The following MAP2K4 variants were observed in gnomAD, a reference collection of about 807,000 sequenced individuals.
MAP2K4 encodes dual specificity mitogen-activated protein kinase kinase 4.
Under a neutral mutation model 48.5 loss-of-function variants are expected in MAP2K4, and 4 were observed. That is an observed-to-expected ratio of 0.08 (90% CI 0.04 to 0.19). The LOEUF (loss-of-function observed/expected upper bound fraction) is 0.19, where lower values mean the gene tolerates loss of function less well. MAP2K4 is among the 10% of genes least tolerant of loss of function. The probability of loss-of-function intolerance (pLI) is 1.00; values close to 1 mark genes in which losing one functional copy is unlikely to be tolerated. For missense variants in MAP2K4, 258 were observed against 493.3 expected (o/e 0.52, Z 4.52); for synonymous variants, 166 against 173.1 (o/e 0.96, Z 0.32).
intron 9 of MAP2K4, among the ~76,000 whole-genome samples, chr17:12,134,302 A>AAG (rs1973134157): frequency 6.6e-6 from 1 of 152,258 alleles, no homozygotes; most frequent in Admixed American, 6.5e-5. Context: ...GTACCTAAGA[A>AAG]ATCTAAACAA....
At position 12,141,487 on chromosome 17, in the gene MAP2K4, T is replaced by C. The variant is rs1973376316; in HGVS notation, c.*227T>C. On this transcript the variant is annotated 3_prime_UTR_variant, in exon 11 of 11. Coordinates refer to ENST00000353533, the MANE Select transcript of MAP2K4 (RefSeq NM_003010.4). ...GCTGGTCAGAGAGACCTCATCCTGC[T>C]CTTTTGTGATGAACATATTCATGAA... 1.9e-6 allele frequency: 1 copy of C among 527,360 alleles called. No homozygotes were observed. The highest frequency in any genetic ancestry group is 3.3e-5 in the Admixed American group (1 of 29,970). 32.7% of individuals were successfully genotyped at this position (527,360 alleles called of 1,614,324 possible). A position where few individuals can be genotyped will look rare whatever the true frequency, so the allele number is the denominator to read the frequency against.
intron 2 of MAP2K4, among the ~76,000 whole-genome samples, chr17:12,065,301 TTG>T (rs1183907486): frequency 8.0e-6 from 1 of 124,608 alleles, no homozygotes; most frequent in African/African-American, 2.5e-5. Context: ...TTGGTGTTTG[TTG>T]TTTTTTTTTT....
At chr17:12,070,628 A>G (rs1010458660) in intron 2 of MAP2K4, among the ~76,000 whole-genome samples, 4 of 152,244 alleles carry the variant, frequency 2.6e-5, no homozygotes, top group Admixed American at 1.3e-4. Flanking sequence ...TTAGGTTGCT[A>G]GATACCATTT....
At chr17:12,032,250 A>G (rs773150269) in intron 1 of MAP2K4, 106 of 1,404,704 alleles carry the variant, frequency 7.5e-5, no homozygotes, top group Non-Finnish European at 9.0e-5. Flanking sequence ...ACTGGAACTT[A>G]TCTTTTTTAC....
intron 2 of MAP2K4, among the ~76,000 whole-genome samples, chr17:12,058,762 A>G (rs183607749): frequency 1.3e-5 from 2 of 152,338 alleles, no homozygotes; most frequent in Non-Finnish European, 2.9e-5. Flanking sequence ...CTTTTAAAAG[A>G]CATAATCATA....
At position 12,096,956 on chromosome 17, in the gene MAP2K4, T is replaced by A. The variant is rs567683711; in HGVS notation, c.513+1262T>A. On this transcript the variant is annotated intron_variant, in intron 4 of 10. Transcript: ENST00000353533. ...GTCTTTAAATAATGAGAATATTCATTTTTATGACCAGATATACTGAATTTA... is the reference window on the plus strand; with the variant it reads ...GTCTTTAAATAATGAGAATATTCATATTTATGACCAGATATACTGAATTTA... Among the ~76,000 whole-genome samples, 404 of 152,338 alleles carry A rather than the reference T, an allele frequency of 2.7e-3. 7 individuals are homozygous for A. Among genetic ancestry groups the A allele is most frequent in the African/African-American group, 9.2e-3 (384 of 41,588 alleles).
At chr17:12,113,435 A>T in intron 7 of MAP2K4, 75 bp downstream of exon 7, 1 of 1,527,802 alleles carries the variant, frequency 6.5e-7, no homozygotes, top group Non-Finnish European at 8.9e-7. Flanking sequence ...GCTGGCCATT[A>T]GTCATACGGT....
chr17:12,143,551 T>C lies in MAP2K4; in HGVS notation c.*2291T>C. On this transcript the variant is annotated 3_prime_UTR_variant, in exon 11 of 11. Coordinates refer to ENST00000353533, the MANE Select transcript of MAP2K4 (RefSeq NM_003010.4). ...GCTAATGTGCAGGGATATTGCCTTA[T>C]TTGTCTGTAAAAAATGGAGCTCAGT... 4.3e-6 allele frequency: 1 copy of C among 231,122 alleles called. No homozygotes were observed. Among genetic ancestry groups the C allele is most frequent in the Non-Finnish European group, 8.6e-6 (1 of 116,512 alleles). The allele number at this position is 231,122 out of a possible 1,614,324, so 14.3% of individuals were successfully genotyped here. A position where few individuals can be genotyped will look rare whatever the true frequency, so the allele number is the denominator to read the frequency against.
At chr17:12,086,902 A>G (rs1322386668) in intron 3 of MAP2K4, among the ~76,000 whole-genome samples, 1 of 152,128 alleles carries the variant, frequency 6.6e-6, no homozygotes, top group Non-Finnish European at 1.5e-5. Context: ...GCTGGAGTGC[A>G]GTGGCACAAT....
chr17:12,131,495 T>C (rs1973021556), intron 9 of MAP2K4, among the ~76,000 whole-genome samples: 1 of 151,908 alleles, frequency 6.6e-6, no homozygotes, highest in Non-Finnish European at 1.5e-5. Flanking sequence ...TCTGCCCGCC[T>C]CGACCTCCCA....
chr17:12,099,708 AAAG>A (rs1291244038), intron 4 of MAP2K4, among the ~76,000 whole-genome samples: 3 of 152,188 alleles, frequency 2.0e-5, no homozygotes, highest in Non-Finnish European at 4.4e-5. Flanking sequence ...TAGGTGGAAA[AAAG>A]AGCTTGATAA....
chr17:12,049,283 A>G (rs984047376), intron 1 of MAP2K4, among the ~76,000 whole-genome samples: 8 of 152,198 alleles, frequency 5.3e-5, no homozygotes, highest in African/African-American at 1.7e-4. Flanking sequence ...TCAAATACCA[A>G]TATTCTTGAA....
chr17:12,079,940 G>T (rs759179380), intron 2 of MAP2K4, among the ~76,000 whole-genome samples: 13 of 152,158 alleles, frequency 8.5e-5, no homozygotes, highest in Non-Finnish European at 1.5e-4. Flanking sequence ...GGATGCTAGA[G>T]TATCAAATAA....
At chr17:12,105,408 G>T (rs1597472170) in intron 4 of MAP2K4, among the ~76,000 whole-genome samples, 2 of 152,160 alleles carry the variant, frequency 1.3e-5, no homozygotes, top group East Asian at 3.9e-4. Context: ...TGGTGACTTA[G>T]TTTATATTTT....
chr17:12,115,918 G>A (rs1972478407), intron 7 of MAP2K4: 9 of 536,960 alleles, frequency 1.7e-5, no homozygotes, highest in South Asian at 1.0e-4. Flanking sequence ...ACCTTCCTCC[G>A]GTAGTTCATC....
At chr17:12,047,015 C>T (rs1460878521) in intron 1 of MAP2K4, among the ~76,000 whole-genome samples, 8 of 152,012 alleles carry the variant, frequency 5.3e-5, no homozygotes, top group African/African-American at 1.5e-4. Context: ...AGCTGTTAAG[C>T]CTTTTGTTGT....
At chr17:12,133,212 G>T (rs1353914599) in intron 9 of MAP2K4, among the ~76,000 whole-genome samples, 3 of 152,106 alleles carry the variant, frequency 2.0e-5, no homozygotes, top group Non-Finnish European at 4.4e-5. Flanking sequence ...CTCCTAAGTA[G>T]CTGGGACTAC....
At chr17:12,021,067 C>A in intron 1 of MAP2K4, 66 bp downstream of exon 1, 1 of 964,124 alleles carries the variant, frequency 1.0e-6, no homozygotes, top group Non-Finnish European at 1.3e-6. Flanking sequence ...TCGCGGCCTG[C>A]CCCAGCGGAC....
rs747647990 is a variant in MAP2K4, at chr17:12,081,487, A to G, written c.350A>G (p.Asn117Ser). Residue 117 changes from asparagine to serine, a missense_variant, in exon 3 of 11, where the codon AAC becomes AGC. Asn to Ser is a conservative substitution (Grantham distance 46). Coordinates refer to ENST00000353533, the MANE Select transcript of MAP2K4 (RefSeq NM_003010.4). This position sits in a 1 kb window ranked among gnomAD's most constrained non-coding sequence, Gnocchi z 4.2. ...GGACGAGGAGCTTATGGTTCTGTCA[A>G]CAAAATGGTCCACAAACCAAGTGGG... Reference protein sequence around the residue: ...EIGRGAYGSVNKMVHKPSGQI... With the variant: ...EIGRGAYGSVSKMVHKPSGQI... 10 of 1,614,078 alleles carry G rather than the reference A, an allele frequency of 6.2e-6. No homozygotes were observed. Among genetic ancestry groups the G allele is most frequent in the Non-Finnish European group, 8.5e-6 (10 of 1,180,042 alleles).
Sources: gnomAD v4.1 joint callset for allele counts (sites outside exome capture counted in the v4.1 genomes callset) on GRCh38, gnomAD v4.1.1 for gene constraint, Gnocchi (gnomAD v3.1) non-coding constraint, MANE v1.5 for transcripts, NCBI Gene and HGNC (gene_info 2026-07-23, HGNC 2026-07-21) for gene names.